Variants in CREBRF observed in about 807,000 individuals in gnomAD.
CREBRF encodes CREB3 regulatory factor.
In CREBRF, 5 loss-of-function variants were observed where a neutral mutation model predicts 66.1. The observed-to-expected ratio is 0.08, with a 90% CI of 0.04 to 0.16. The LOEUF (loss-of-function observed/expected upper bound fraction) is 0.16. CREBRF is among the 10% of genes least tolerant of loss of function. CREBRF has a pLI of 1.00. For synonymous variants in CREBRF, 229 were observed against 264.4 expected (o/e 0.87, Z 1.30); for missense variants, 531 against 744.9 (o/e 0.71, Z 3.34).
intron 8 of CREBRF, among the ~76,000 whole-genome samples, chr5:173,131,695 TACACACACACACACACACACAC>T (rs67580803): frequency 1.3e-5 from 2 of 149,040 alleles, no homozygotes; most frequent in Non-Finnish European, 3.0e-5. Flanking sequence ...TATATATGTA[TACACACACACACACACACACAC>T]ACACACACAC....
chr5:173,097,599 T>G (rs920529719), intron 4 of CREBRF, among the ~76,000 whole-genome samples: 4 of 152,118 alleles, frequency 2.6e-5, no homozygotes, highest in Admixed American at 2.0e-4. Flanking sequence ...TTGTTGAACT[T>G]TTCTATTTTT....
chr5:173,060,644 C>A (rs1238509738), intron 1 of CREBRF, among the ~76,000 whole-genome samples: 3 of 151,458 alleles, frequency 2.0e-5, no homozygotes, highest in Non-Finnish European at 4.4e-5. Flanking sequence ...TAGCTCATTT[C>A]GGGATAGGTA....
At chr5:173,069,845 C>T (rs1462643806) in intron 1 of CREBRF, among the ~76,000 whole-genome samples, 1 of 151,942 alleles carries the variant, frequency 6.6e-6, no homozygotes, top group African/African-American at 2.4e-5. Context: ...TTGAATATAT[C>T]TCTAGTATAT....
In CREBRF at chr5:173,137,059, C is replaced by G. The variant is rs1041961762; in HGVS notation, c.*3314C>G. The G allele has an allele frequency of 3.3e-5, 5 of 151,878 alleles. No individual in the cohort carries two copies. Among genetic ancestry groups the G allele is most frequent in the African/African-American group, 1.2e-4 (5 of 41,374 alleles). The allele number at this position is 151,878 out of a possible 1,614,324, so 9.4% of individuals were successfully genotyped here. A position where few individuals can be genotyped will look rare whatever the true frequency, so the allele number is the denominator to read the frequency against. ...TATGAAAGCATGCTGTCCAGTCGCT[C>G]TTGTTAAGATCTTGTCTGAGTTTTG... On this transcript the variant is annotated 3_prime_UTR_variant, in exon 9 of 9. Coordinates refer to ENST00000296953, the MANE Select transcript of CREBRF (RefSeq NM_153607.3).
In CREBRF at chr5:173,114,688, C is replaced by T. The variant is rs562483897; in HGVS notation, c.1681+2309C>T. Among the ~76,000 whole-genome samples the T allele has an allele frequency of 2.6e-5, 4 of 152,316 alleles. No individual in the cohort carries two copies. In the South Asian group the frequency reaches 8.3e-4, roughly 32 times the overall value. On this transcript the variant is annotated intron_variant, in intron 7 of 8. Transcript: ENST00000296953. The stretch of plus-strand genomic sequence containing the variant: ...CAGGGGCCCACTATACTACTCATCT[C>T]ATCCTATCCCACCAAACTTCCTTCT...
intron 4 of CREBRF, among the ~76,000 whole-genome samples, chr5:173,107,807 T>C (rs1758781972): frequency 6.7e-6 from 1 of 149,334 alleles, no homozygotes; most frequent in Non-Finnish European, 1.5e-5. Flanking sequence ...GAGACCTCTG[T>C]CTCTACAAAA....
intron 2 of CREBRF, among the ~76,000 whole-genome samples, chr5:173,081,662 C>T (rs917106537): frequency 6.6e-6 from 1 of 152,154 alleles, no homozygotes; most frequent in African/African-American, 2.4e-5. Flanking sequence ...GTGGCTCACG[C>T]CTGTAATCCC....
At chr5:173,078,554 T>TTTC (rs1561797048) in intron 1 of CREBRF, among the ~76,000 whole-genome samples, 1 of 150,918 alleles carries the variant, frequency 6.6e-6, no homozygotes, top group Non-Finnish European at 1.5e-5. Flanking sequence ...ATGTGAAGTT[T>TTTC]TTCTTTTTCT....
At chr5:173,128,636 C>T (rs1385102857) in intron 8 of CREBRF, among the ~76,000 whole-genome samples, 2 of 152,086 alleles carry the variant, frequency 1.3e-5, no homozygotes, top group African/African-American at 2.4e-5. Context: ...TCACGAAGTA[C>T]ACTTCTTGTC....
chr5:173,060,807 T>G (rs549537751), intron 1 of CREBRF, among the ~76,000 whole-genome samples: 63 of 152,176 alleles, frequency 4.1e-4, no homozygotes, highest in African/African-American at 1.4e-3. Flanking sequence ...CTACTCAACT[T>G]TGAATCTGTA....
chr5:173,074,196 G>T (rs1757683264), intron 1 of CREBRF, among the ~76,000 whole-genome samples: 1 of 151,696 alleles, frequency 6.6e-6, no homozygotes, highest in African/African-American at 2.4e-5. Flanking sequence ...CACTACTTGG[G>T]AGGCTGAGGC....
intron 7 of CREBRF, among the ~76,000 whole-genome samples, chr5:173,119,456 G>C (rs1402096883): frequency 6.6e-6 from 1 of 152,064 alleles, no homozygotes; most frequent in African/African-American, 2.4e-5. Context: ...AATTGCTTTT[G>C]AAATTTTATA....
intron 4 of CREBRF, among the ~76,000 whole-genome samples, chr5:173,101,122 C>T (rs1758618869): frequency 1.3e-5 from 2 of 152,104 alleles, no homozygotes; most frequent in Non-Finnish European, 1.5e-5. Flanking sequence ...AGTGCAATGG[C>T]GTGATCCTAG....
intron 1 of CREBRF, among the ~76,000 whole-genome samples, chr5:173,064,142 G>T (rs1373021879): frequency 6.6e-6 from 1 of 152,104 alleles, no homozygotes; most frequent in Non-Finnish European, 1.5e-5. Context: ...TGTCCTGAGG[G>T]TTTGAGGTGC....
At chr5:173,112,405 A>G in intron 7 of CREBRF, 26 bp downstream of exon 7, 1 of 1,422,970 alleles carries the variant, frequency 7.0e-7, no homozygotes, top group South Asian at 1.3e-5. Flanking sequence ...TAAGAAGTTG[A>G]TTAACCACCT....
rs1157331203 is a variant in CREBRF at position 173,124,993 on chromosome 5, A to G, written c.1804+1791A>G. On this transcript the variant is annotated intron_variant, in intron 8 of 8. Transcript: ENST00000296953. ...TAGTGCAGTGGCACAATCTTAGCTC[A>G]CTGCAGCCTCCACCTCCCAGGTTCA... 3.5e-5 allele frequency among the ~76,000 whole-genome samples: 5 copies of G among 143,224 alleles called. 1 individual carries two copies. Among genetic ancestry groups the G allele is most frequent in the Admixed American group, 2.9e-4 (4 of 13,706 alleles). The allele number at this position is 143,224 out of a possible 152,430, so 94.0% of individuals were successfully genotyped here. A position where few individuals can be genotyped will look rare whatever the true frequency, so the allele number is the denominator to read the frequency against.
intron 2 of CREBRF, chr5:173,085,355 G>A (rs1164229169): frequency 2.3e-5 from 29 of 1,238,602 alleles, no homozygotes; most frequent in East Asian, 9.3e-5. Flanking sequence ...ACACACCTGC[G>A]GCTCTTCTTC....
intron 1 of CREBRF, among the ~76,000 whole-genome samples, chr5:173,065,007 CTG>C (rs1206657598): frequency 6.6e-6 from 1 of 152,184 alleles, no homozygotes; most frequent in Non-Finnish European, 1.5e-5. Flanking sequence ...CTGTACCTAG[CTG>C]TACAGTTTTT....
At chr5:173,073,645 A>G (rs757614230) in intron 1 of CREBRF, among the ~76,000 whole-genome samples, 7 of 152,192 alleles carry the variant, frequency 4.6e-5, no homozygotes, top group Non-Finnish European at 8.8e-5. Flanking sequence ...TTCCCATTCA[A>G]CTCAGATTAA....
Sources: gnomAD v4.1 joint callset for allele counts (sites outside exome capture counted in the v4.1 genomes callset) on GRCh38, gnomAD v4.1.1 for gene constraint, MANE v1.5 for transcripts, NCBI Gene and HGNC (gene_info 2026-07-23, HGNC 2026-07-21) for gene names.